Variants in RAI14 observed in about 807,000 individuals in gnomAD.
The protein encoded by RAI14 is ankycorbin.
Under a neutral mutation model 115.4 loss-of-function variants are expected in RAI14, and 45 were observed. That is an observed-to-expected ratio of 0.39 (90% CI 0.31 to 0.50). The LOEUF is 0.50. Among genes scored for constraint, RAI14 ranks in the 20% least tolerant of loss-of-function variants. RAI14 has a pLI of 0.85. For missense variants in RAI14, 939 were observed against 1,131.2 expected (o/e 0.83, Z 2.44); for synonymous variants, 371 against 415.4 (o/e 0.89, Z 1.30).
chr5:34,726,214 A>G (rs1481786812), intron 2 of RAI14, among the ~76,000 whole-genome samples: 1 of 152,096 alleles, frequency 6.6e-6, no homozygotes, highest in Non-Finnish European at 1.5e-5. Flanking sequence ...ACCCTTGTGT[A>G]TTAGCTTCTT....
At chr5:34,787,927 TTTTTTTG>T (rs1752503992) in intron 3 of RAI14, among the ~76,000 whole-genome samples, 2 of 114,612 alleles carry the variant, frequency 1.7e-5, no homozygotes, top group Non-Finnish European at 3.5e-5. Context: ...TTTTTTTTTT[TTTTTTTG>T]AGACAGGGTC....
chr5:34,818,851 G>A lies in RAI14; in HGVS notation c.994G>A (p.Gly332Ser), dbSNP rs2150284950. Residue 332 changes from glycine to serine, a missense_variant and splice_region_variant, in exon 13 of 18, where the codon GGT becomes AGT. By Grantham distance (56) the Gly-to-Ser change is moderately conservative. Coordinates refer to ENST00000265109, the MANE Select transcript of RAI14 (RefSeq NM_015577.3). ...AGACAGACTAAGTGACAGTACTACA[G>A]GTAAGACAAGGAAGCATCTGTTTTT... ...NKDRLSDSTT[G>S]ADSLLDISSE... 1 of 1,602,266 alleles carries A rather than the reference G, an allele frequency of 6.2e-7. No homozygotes were observed. The highest frequency in any genetic ancestry group is 2.2e-5 in the East Asian group (1 of 44,676).
chr5:34,701,755 G>A (rs531395605), intron 2 of RAI14, among the ~76,000 whole-genome samples: 1 of 152,044 alleles, frequency 6.6e-6, no homozygotes, highest in East Asian at 1.9e-4. Context: ...ACAGGTCATG[G>A]TCACTCATAT....
chr5:34,692,350 G>A (rs1738721382), intron 2 of RAI14, among the ~76,000 whole-genome samples: 1 of 151,724 alleles, frequency 6.6e-6, no homozygotes, highest in African/African-American at 2.4e-5. Context: ...GGAGTTTTTA[G>A]TCATTTATAA....
chr5:34,790,774 A>G (rs1036987396), intron 3 of RAI14, among the ~76,000 whole-genome samples: 3 of 148,866 alleles, frequency 2.0e-5, no homozygotes, highest in Admixed American at 6.7e-5. Context: ...ATACATATAT[A>G]TATATATATA....
chr5:34,799,481 AACACACACACAGACACACACAC>A (rs1753927348), intron 4 of RAI14, among the ~76,000 whole-genome samples: 1 of 116,434 alleles, frequency 8.6e-6, no homozygotes, highest in African/African-American at 3.0e-5. Context: ...AAAAAAACAA[AACACACACACAGACACACACAC>A]ACACACACAC....
chr5:34,803,858 C>A, intron 5 of RAI14, 82 bp downstream of exon 5: 1 of 1,240,554 alleles, frequency 8.1e-7, no homozygotes, highest in Non-Finnish European at 1.2e-6. Context: ...AACAAACACA[C>A]CCTCCATACA....
chr5:34,757,736 A>G, intron 3 of RAI14, 138 bp downstream of exon 3: 7 of 1,150,104 alleles, frequency 6.1e-6, no homozygotes, highest in Non-Finnish European at 8.1e-6. Context: ...AGATATTTTA[A>G]TCTAGTGCCT....
chr5:34,704,202 C>T (rs72730538), intron 2 of RAI14, among the ~76,000 whole-genome samples: 4,972 of 152,346 alleles, frequency 0.033, 112 homozygotes, highest in South Asian at 0.071. Flanking sequence ...TTACTAGCTT[C>T]TGCATCCAGA....
At chr5:34,707,867 G>A (rs953515608) in intron 2 of RAI14, among the ~76,000 whole-genome samples, 2 of 152,184 alleles carry the variant, frequency 1.3e-5, no homozygotes, top group African/African-American at 4.8e-5. Context: ...TGGCAGAGCT[G>A]TAGACAGGAA....
chr5:34,690,327 C>T (rs1219653934), intron 2 of RAI14, among the ~76,000 whole-genome samples: 1 of 152,076 alleles, frequency 6.6e-6, no homozygotes, highest in African/African-American at 2.4e-5. Flanking sequence ...AGAAAGGATT[C>T]TTTGTATTTC....
At chr5:34,742,550 T>G (rs1745641371) in intron 2 of RAI14, among the ~76,000 whole-genome samples, 1 of 152,210 alleles carries the variant, frequency 6.6e-6, no homozygotes, top group Admixed American at 6.5e-5. Context: ...TGTGTTTTCT[T>G]TAAGAAATGT....
chr5:34,661,615 AC>A (rs1424000613), intron 1 of RAI14, among the ~76,000 whole-genome samples: 8 of 152,146 alleles, frequency 5.3e-5, no homozygotes, highest in African/African-American at 1.9e-4. Flanking sequence ...ATGTCTTCAG[AC>A]TTTTTTTCTC....
intron 2 of RAI14, among the ~76,000 whole-genome samples, chr5:34,748,077 G>C (rs529071785): frequency 1.2e-4 from 19 of 152,314 alleles, no homozygotes; most frequent in African/African-American, 4.6e-4. Context: ...GCTGAAGTGG[G>C]TAGGGCAGAG....
intron 3 of RAI14, among the ~76,000 whole-genome samples, chr5:34,759,932 C>T (rs1325629098): frequency 1.3e-5 from 2 of 152,160 alleles, no homozygotes; most frequent in Admixed American, 6.5e-5. Flanking sequence ...TAAAGCCAGT[C>T]ACCTACCCTG....
intron 5 of RAI14, among the ~76,000 whole-genome samples, chr5:34,804,748 G>A (rs1754663634): frequency 6.6e-6 from 1 of 152,190 alleles, no homozygotes; most frequent in Non-Finnish European, 1.5e-5. Flanking sequence ...TGTATTATGA[G>A]GCTTCCCTTT....
chr5:34,764,859 CT>C (rs1405137433), intron 3 of RAI14, among the ~76,000 whole-genome samples: 1 of 152,026 alleles, frequency 6.6e-6, no homozygotes, highest in Non-Finnish European at 1.5e-5. Flanking sequence ...TATGGTTTGG[CT>C]TTGTGTCCCC....
At chr5:34,730,393 C>G (rs538325502) in intron 2 of RAI14, among the ~76,000 whole-genome samples, 3 of 152,092 alleles carry the variant, frequency 2.0e-5, no homozygotes, top group Non-Finnish European at 4.4e-5. Flanking sequence ...AATTTATTGG[C>G]CAGGCATGGA....
intron 1 of RAI14, among the ~76,000 whole-genome samples, chr5:34,682,632 A>G (rs546460024): frequency 1.3e-4 from 20 of 152,132 alleles, no homozygotes; most frequent in Non-Finnish European, 2.8e-4. Flanking sequence ...AGTGGTGGCC[A>G]GTGATGATTG....
Sources: gnomAD v4.1 joint callset for allele counts (sites outside exome capture counted in the v4.1 genomes callset) on GRCh38, gnomAD v4.1.1 for gene constraint, MANE v1.5 for transcripts, NCBI Gene and HGNC (gene_info 2026-07-23, HGNC 2026-07-21) for gene names.